Variants in PLCH1 observed in about 807,000 individuals in gnomAD.
PLCH1 encodes the protein phospholipase C eta 1, also known as 1-phosphatidylinositol 4,5-bisphosphate phosphodiesterase eta-1.
In PLCH1, 60 loss-of-function variants were observed where a neutral mutation model predicts 126.7. The observed-to-expected ratio is 0.47, with a 90% CI of 0.38 to 0.59. The LOEUF (loss-of-function observed/expected upper bound fraction) is 0.59. PLCH1 is among the 20% of genes least tolerant of loss of function. PLCH1 has a pLI of 0.00. For missense variants in PLCH1, 1,723 were observed against 2,040.0 expected (o/e 0.84, Z 2.99); for synonymous variants, 719 against 734.9 (o/e 0.98, Z 0.35).
chr3:155,485,228 A>T (rs1321761549), intron 22 of PLCH1, 128 bp downstream of exon 22: 1 of 632,624 alleles, frequency 1.6e-6, no homozygotes, highest in Non-Finnish European at 2.7e-6. Context: ...GGAAGATCAC[A>T]TTACAAAGTA....
At chr3:155,619,070 C>T (rs1179952407) in intron 2 of PLCH1, among the ~76,000 whole-genome samples, 1 of 148,426 alleles carries the variant, frequency 6.7e-6, no homozygotes, top group Non-Finnish European at 1.5e-5. Flanking sequence ...CCAATGAAGG[C>T]TTGTCTGGGA....
intron 2 of PLCH1, among the ~76,000 whole-genome samples, chr3:155,645,078 A>AT: frequency 6.6e-6 from 1 of 152,190 alleles, no homozygotes; most frequent in East Asian, 1.9e-4. Flanking sequence ...ATATTGAGGT[A>AT]TTTCCCCAAA....
rs146616024 is a variant in PLCH1 at position 155,739,283 on chromosome 3, C to G, written c.-41+5557G>C. ...TCAATACTACCTCAAGAAAAATAAT[C>G]GGGCAACATTTAGATAAAACCAACA... is the stretch of plus-strand genomic sequence containing the variant. On this transcript the variant is annotated intron_variant, in intron 1 of 22. Transcript: ENST00000460012. Among the ~76,000 whole-genome samples, 375 of 152,304 alleles carry G rather than the reference C, an allele frequency of 2.5e-3. 2 individuals carry two copies. The highest frequency in any genetic ancestry group is 8.3e-3 in the African/African-American group (347 of 41,560).
chr3:155,610,275 C>A (rs1030206441), intron 2 of PLCH1, among the ~76,000 whole-genome samples: 2 of 145,188 alleles, frequency 1.4e-5, no homozygotes, highest in Non-Finnish European at 1.5e-5. Flanking sequence ...GCAGGAGAAT[C>A]GCTTGAACCT....
At chr3:155,661,047 T>C (rs1000042532) in intron 2 of PLCH1, among the ~76,000 whole-genome samples, 3 of 152,212 alleles carry the variant, frequency 2.0e-5, no homozygotes, top group African/African-American at 7.2e-5. Context: ...GCATTGCCCA[T>C]AGCAGAGGTG....
chr3:155,586,653 G>A (rs1054362187), intron 4 of PLCH1, among the ~76,000 whole-genome samples: 4 of 151,410 alleles, frequency 2.6e-5, no homozygotes, highest in Admixed American at 2.6e-4. Context: ...GTTGCAGTGA[G>A]CCAAGATTGC....
intron 21 of PLCH1, among the ~76,000 whole-genome samples, chr3:155,462,269 G>A (rs1386912436): frequency 6.6e-6 from 1 of 152,184 alleles, no homozygotes; most frequent in Non-Finnish European, 1.5e-5. Flanking sequence ...TGGCGACTCT[G>A]TGACCAGTGA....
chr3:155,659,984 A>G (rs1741942023), intron 2 of PLCH1, among the ~76,000 whole-genome samples: 1 of 152,194 alleles, frequency 6.6e-6, no homozygotes, highest in South Asian at 2.1e-4. Context: ...TTAGAAAAAG[A>G]GAAGTTCTGC....
chr3:155,682,163 A>G (rs1423491548), intron 2 of PLCH1, among the ~76,000 whole-genome samples: 2 of 152,208 alleles, frequency 1.3e-5, no homozygotes, highest in Non-Finnish European at 2.9e-5. Context: ...TTCAGTTTTT[A>G]TTTACAATGG....
chr3:155,520,506 C>T (rs966215268), intron 11 of PLCH1, among the ~76,000 whole-genome samples: 1 of 152,102 alleles, frequency 6.6e-6, no homozygotes, highest in Non-Finnish European at 1.5e-5. Flanking sequence ...TGTTTATGCC[C>T]AAGAAGCTGG....
At chr3:155,465,725 C>T (rs904962895) in intron 21 of PLCH1, among the ~76,000 whole-genome samples, 36 of 151,890 alleles carry the variant, frequency 2.4e-4, no homozygotes, top group African/African-American at 8.5e-4. Context: ...ATTTCTGGAC[C>T]TGCCCTGGGC....
chr3:155,452,212 A>G (rs1180611944), intron 21 of PLCH1, among the ~76,000 whole-genome samples: 2 of 152,206 alleles, frequency 1.3e-5, no homozygotes, highest in Non-Finnish European at 2.9e-5. Context: ...TGGCAGCAAG[A>G]GAAAATGAGG....
chr3:155,561,370 G>A (rs1477573494), intron 8 of PLCH1, among the ~76,000 whole-genome samples: 8 of 149,170 alleles, frequency 5.4e-5, no homozygotes, highest in African/African-American at 2.0e-4. Context: ...ACCTATGAGT[G>A]AGAATATGCG....
intron 1 of PLCH1, among the ~76,000 whole-genome samples, chr3:155,710,179 G>A (rs777705193): frequency 2.3e-4 from 35 of 151,526 alleles, no homozygotes; most frequent in Non-Finnish European, 3.7e-4. Flanking sequence ...TAGTAGAGAC[G>A]GGATTTCACT....
chr3:155,669,531 T>C (rs1250286234), intron 2 of PLCH1, among the ~76,000 whole-genome samples: 1 of 152,240 alleles, frequency 6.6e-6, no homozygotes, highest in African/African-American at 2.4e-5. Flanking sequence ...TGAGCCAAGA[T>C]TGTGCCACTG....
chr3:155,670,623 C>T (rs1743315127), intron 2 of PLCH1, among the ~76,000 whole-genome samples: 1 of 151,954 alleles, frequency 6.6e-6, no homozygotes, highest in Admixed American at 6.6e-5. Context: ...GGTTCATGGC[C>T]CTGATCTGAA....
intron 12 of PLCH1, among the ~76,000 whole-genome samples, chr3:155,508,644 G>A (rs1158659599): frequency 7.3e-4 from 88 of 120,734 alleles, no homozygotes; most frequent in African/African-American, 3.0e-3. Flanking sequence ...CTGTTTATAT[G>A]CTGGATTACA....
At chr3:155,705,959 A>T (rs901542748) in intron 1 of PLCH1, among the ~76,000 whole-genome samples, 4 of 151,942 alleles carry the variant, frequency 2.6e-5, no homozygotes, top group Non-Finnish European at 5.9e-5. Flanking sequence ...ATGGATCACG[A>T]GGTCCAGAGA....
At chr3:155,561,792 C>CT (rs373281723) in intron 8 of PLCH1, among the ~76,000 whole-genome samples, 1,763 of 151,338 alleles carry the variant, frequency 0.012, 31 homozygotes, top group African/African-American at 0.04. Flanking sequence ...CTCTCCAGTA[C>CT]TTTTTTTTTG....
Sources: allele counts gnomAD v4.1 joint callset (sites outside exome capture counted in the v4.1 genomes callset), GRCh38; gene constraint gnomAD v4.1.1; transcripts MANE v1.5; gene names NCBI Gene and HGNC (gene_info 2026-07-23, HGNC 2026-07-21).